Variants in INTS10 observed in about 807,000 individuals in gnomAD.
INTS10 encodes the protein chromosome 8 open reading frame 35.
In INTS10, 44 loss-of-function variants were observed where a neutral mutation model predicts 94.4. The observed-to-expected ratio is 0.47, with a 90% CI of 0.37 to 0.60. The LOEUF is 0.60. Among genes scored for constraint, INTS10 ranks in the 20% least tolerant of loss-of-function variants. The pLI is 0.00. For synonymous variants in INTS10, 341 were observed against 320.7 expected, an observed-to-expected ratio of 1.06 and a Z score of -0.68; for missense variants, 797 against 868.7, an observed-to-expected ratio of 0.92 and a Z score of 1.04.
At chr8:19,822,268 G>A (rs1178089861) in intron 4 of INTS10, 171 bp from the exon 5 acceptor site, 4 of 502,660 alleles carry the variant, frequency 8.0e-6, no homozygotes, top group African/African-American at 1.9e-5. Context: ...CTTCTAGGGT[G>A]TGTGGCTGGT....
At chr8:19,823,763 G>C in intron 6 of INTS10, 110 bp from the exon 7 acceptor site, 1 of 994,320 alleles carries the variant, frequency 1.0e-6, no homozygotes, top group South Asian at 1.7e-5. Context: ...AAGTATGTTG[G>C]AATTCTGTGC....
At chr8:19,827,234 T>A (rs10113140) in intron 9 of INTS10, among the ~76,000 whole-genome samples, 3 of 151,962 alleles carry the variant, frequency 2.0e-5, no homozygotes, top group Admixed American at 1.3e-4. Flanking sequence ...CTCTGCCCGT[T>A]GAAGCTGTGC....
chr8:19,845,879 C>T (rs1012882181), intron 16 of INTS10, 82 bp downstream of exon 16: 3 of 911,044 alleles, frequency 3.3e-6, no homozygotes, highest in Middle Eastern at 2.2e-4. Context: ...ATGTCTATAC[C>T]TATCAAAAAT....
In INTS10 at chr8:19,817,466, G is replaced by T. The variant is rs908529471; in HGVS notation, c.-72G>T. On this transcript the variant is annotated 5_prime_UTR_variant, in exon 1 of 17. Transcript: ENST00000397977. ...GGTGGCGGCGGCGGCGGCGGTGGCT[G>T]CCGTGGCGGCTGAGAGTCCAGAGCC... The T allele has an allele frequency of 2.2e-5, 34 of 1,545,292 alleles. No individual in the cohort carries two copies. The highest frequency in any genetic ancestry group is 1.8e-4 in the South Asian group (15 of 84,192).
chr8:19,827,391 T>A (rs79645251), intron 9 of INTS10, among the ~76,000 whole-genome samples: 2,975 of 152,312 alleles, frequency 0.02, 44 homozygotes, highest in Non-Finnish European at 0.029. Context: ...TCCTCTTTTT[T>A]AATTCTCTGC....
Position 19,849,581 on chromosome 8 carries a change from A to T in INTS10, c.1977-2068A>T, listed in dbSNP as rs151173242. ...GGCTTTCGGTCATATATATTTAAGG[A>T]TGCTGACGTTTATTTTAAGTACATT... On this transcript the variant is annotated intron_variant, in intron 16 of 16. Transcript: ENST00000397977. This position sits in a 1 kb window ranked among gnomAD's most constrained non-coding sequence, Gnocchi z 4.6. Among the ~76,000 whole-genome samples, 68 of 152,262 alleles carry T rather than the reference A, an allele frequency of 4.5e-4. No individual in the cohort carries two copies. Among genetic ancestry groups the T allele is most frequent in the African/African-American group, 1.5e-3 (63 of 41,540 alleles).
At position 19,851,065 on chromosome 8, in the gene INTS10, G is replaced by A. The variant is rs931897438; in HGVS notation, c.1977-584G>A. Among the ~76,000 whole-genome samples the A allele has an allele frequency of 2.6e-5, 4 of 152,190 alleles. No homozygotes were observed. The highest frequency in any genetic ancestry group is 4.4e-5 in the Non-Finnish European group (3 of 68,034). ...GCTGCGTTTTCTTCAACATATGAGA[G>A]TCTAGATGGGCACAGCATTTAGAGG... On this transcript the variant is annotated intron_variant, in intron 16 of 16. Transcript: ENST00000397977. The surrounding 1 kb of genome is among the most constrained non-coding windows in gnomAD (Gnocchi z 5.0).
Position 19,820,528 on chromosome 8 carries a change from G to A in INTS10, c.441+10G>A, listed in dbSNP as rs779821095. ...GGTGGTGCAGCATGGGGTGAGATTT[G>A]ATTCTTCCCCTTCTTTTAATATAAA... is the stretch of plus-strand genomic sequence containing the variant. On this transcript the variant is annotated intron_variant, in intron 4 of 16. Transcript: ENST00000397977. 1.9e-6 allele frequency: 3 copies of A among 1,601,486 alleles called. No homozygotes were observed. The African/African-American group carries it at 4.0e-5, about 22-fold the overall frequency.
Position 19,823,813 on chromosome 8 carries a change from G to A in INTS10, c.665-60G>A, listed in dbSNP as rs2066579944. The A allele has an allele frequency of 3.6e-6, 5 of 1,370,108 alleles. No homozygotes were observed. In the Admixed American group the frequency reaches 1.2e-4, roughly 33 times the overall value. 84.9% of individuals were successfully genotyped at this position (1,370,108 alleles called of 1,614,324 possible). A position where few individuals can be genotyped will look rare whatever the true frequency, so the allele number is the denominator to read the frequency against. On this transcript the variant is annotated intron_variant, in intron 6 of 16. Transcript: ENST00000397977. The stretch of plus-strand genomic sequence containing the variant: ...TGGGGAGTCAGACTTTCTTTATCAG[G>A]TACCATGTCAACAGTAAGTCATAAT...
intron 16 of INTS10, among the ~76,000 whole-genome samples, chr8:19,850,079 T>C (rs1470905933): frequency 6.7e-6 from 1 of 149,404 alleles, no homozygotes; most frequent in Non-Finnish European, 1.5e-5. Context: ...GCTGAGATCA[T>C]TGCCACTGCA....
At chr8:19,817,713 C>T (rs1275981671) in intron 1 of INTS10, 47 bp downstream of exon 1, 1 of 1,570,356 alleles carries the variant, frequency 6.4e-7, no homozygotes, top group Non-Finnish European at 8.6e-7. Flanking sequence ...GAGGTGCGCG[C>T]TCCCGTCGCC....
In INTS10 at chr8:19,852,045, T is replaced by TAA. The variant is rs2069077155; in HGVS notation, c.*244_*245dup. 1 of 336,152 alleles carries TAA rather than the reference T, an allele frequency of 3.0e-6. No individual in the cohort carries two copies. The highest frequency in any genetic ancestry group is 4.3e-5 in the Admixed American group (1 of 23,082). The allele number at this position is 336,152 out of a possible 1,614,324, so 20.8% of individuals were successfully genotyped here. ...CAAAAGTACCAATCTGTTTTGTAAA[T>TAA]AAAAATCATCCTAAAATTTGAAGTT... On this transcript the variant is annotated 3_prime_UTR_variant, in exon 17 of 17. Coordinates refer to ENST00000397977, the MANE Select transcript of INTS10 (RefSeq NM_018142.4).
intron 9 of INTS10, among the ~76,000 whole-genome samples, chr8:19,827,410 C>T (rs571645622): frequency 6.6e-6 from 1 of 152,316 alleles, no homozygotes; most frequent in East Asian, 1.9e-4. Flanking sequence ...GCAGCATCCT[C>T]CTTGCTGTCT....
chr8:19,851,622 T>C lies in INTS10; in HGVS notation c.1977-27T>C. The C allele has an allele frequency of 1.7e-5, 28 of 1,613,054 alleles. No homozygotes were observed. Among genetic ancestry groups the C allele is most frequent in the Non-Finnish European group, 2.4e-5 (28 of 1,179,090 alleles). On this transcript the variant is annotated intron_variant, in intron 16 of 16. Coordinates refer to ENST00000397977, the MANE Select transcript of INTS10 (RefSeq NM_018142.4). This position sits in a 1 kb window ranked among gnomAD's most constrained non-coding sequence, Gnocchi z 5.0. ...GATGCTGGTGCTAACCCCTGGTCTT[T>C]GTCTGTTTCCCTATTGCTGACCTCA...
intron 13 of INTS10, chr8:19,841,858 T>C (rs1590043428): frequency 2.2e-6 from 1 of 455,814 alleles, no homozygotes; most frequent in Non-Finnish European, 4.4e-6. Context: ...ATTTTCTTTT[T>C]TAATGAGATA....
In INTS10 at chr8:19,844,255, T is replaced by A. The variant is rs1198363660; in HGVS notation, c.1882+17T>A. 3.2e-6 allele frequency: 5 copies of A among 1,555,372 alleles called. No individual in the cohort carries two copies. Among genetic ancestry groups the A allele is most frequent in the Non-Finnish European group, 3.5e-6 (4 of 1,129,400 alleles). ...ACGTTACAAGTATCCTTTTTTCTTGTTTAAGCATAACACATTCTGATTTTC... is the reference window on the plus strand; with the variant it reads ...ACGTTACAAGTATCCTTTTTTCTTGATTAAGCATAACACATTCTGATTTTC... On this transcript the variant is annotated intron_variant, in intron 15 of 16. Coordinates refer to ENST00000397977, the MANE Select transcript of INTS10 (RefSeq NM_018142.4).
chr8:19,829,087 G>A (rs1175311678), intron 9 of INTS10, among the ~76,000 whole-genome samples: 1 of 152,118 alleles, frequency 6.6e-6, no homozygotes, highest in Non-Finnish European at 1.5e-5. Flanking sequence ...GGAGCTTTTA[G>A]TGACAGTAGT....
At chr8:19,840,747 CA>C (rs74587964) in intron 13 of INTS10, among the ~76,000 whole-genome samples, 53 of 145,188 alleles carry the variant, frequency 3.7e-4, no homozygotes, top group Middle Eastern at 3.5e-3. Flanking sequence ...AACAAATGGT[CA>C]AAAAAAAAAA....
chr8:19,831,042 A>G (rs1225432312), intron 10 of INTS10, among the ~76,000 whole-genome samples: 2 of 152,158 alleles, frequency 1.3e-5, no homozygotes, highest in African/African-American at 4.8e-5. Context: ...TAGGAAGCCT[A>G]TTTTCCTTTG....
Sources: gnomAD v4.1 joint callset for allele counts (sites outside exome capture counted in the v4.1 genomes callset) on GRCh38, gnomAD v4.1.1 for gene constraint, Gnocchi (gnomAD v3.1) non-coding constraint, MANE v1.5 for transcripts, NCBI Gene and HGNC (gene_info 2026-07-23, HGNC 2026-07-21) for gene names.